Variants in ADK observed in about 807,000 individuals in gnomAD.
ADK encodes the protein N6,N6-dimethyladenosine kinase.
Under a neutral mutation model 44.7 loss-of-function variants are expected in ADK, and 24 were observed. The ratio of observed to expected loss-of-function variants is 0.54; its 90% CI spans 0.39 to 0.76. The LOEUF is 0.76. ADK is among the 30% of genes least tolerant of loss of function. The pLI, the probability that ADK is intolerant of heterozygous loss-of-function variation, is 0.00. For synonymous variants in ADK, 128 were observed against 142.6 expected (o/e 0.90, Z 0.73); for missense variants, 321 against 425.1 (o/e 0.76, Z 2.15).
At chr10:74,199,384 A>G (rs1339966932) in intron 1 of ADK, among the ~76,000 whole-genome samples, 1 of 152,178 alleles carries the variant, frequency 6.6e-6, no homozygotes, top group African/African-American at 2.4e-5. Flanking sequence ...TTGTCCCGAC[A>G]TCTTTGTGTC....
intron 6 of ADK, among the ~76,000 whole-genome samples, chr10:74,444,122 C>T (rs1405869366): frequency 6.6e-6 from 1 of 152,154 alleles, no homozygotes; most frequent in African/African-American, 2.4e-5. Flanking sequence ...TATGGTGCTT[C>T]ATCAGTCAGA....
intron 5 of ADK, among the ~76,000 whole-genome samples, chr10:74,396,161 A>G (rs1843500547): frequency 1.3e-5 from 2 of 152,228 alleles, no homozygotes; most frequent in South Asian, 4.1e-4. Context: ...TATCTAAATC[A>G]TTATCTAAAT....
intron 6 of ADK, among the ~76,000 whole-genome samples, chr10:74,451,875 AT>A (rs1201213286): frequency 6.6e-6 from 1 of 152,122 alleles, no homozygotes; most frequent in Non-Finnish European, 1.5e-5. Context: ...TGTAAAAATA[AT>A]GATTACATTA....
At chr10:74,220,632 G>A (rs1270377048) in intron 2 of ADK, among the ~76,000 whole-genome samples, 1 of 152,154 alleles carries the variant, frequency 6.6e-6, no homozygotes, top group Non-Finnish European at 1.5e-5. Flanking sequence ...TAAAATACTG[G>A]CAAACCGAAT....
chr10:74,282,784 A>G (rs903982636), intron 3 of ADK, among the ~76,000 whole-genome samples: 1 of 152,214 alleles, frequency 6.6e-6, no homozygotes, highest in Non-Finnish European at 1.5e-5. Flanking sequence ...GATATCTTCT[A>G]GTATAAGATT....
At chr10:74,313,966 T>G (rs934159577) in intron 3 of ADK, among the ~76,000 whole-genome samples, 6 of 152,080 alleles carry the variant, frequency 3.9e-5, no homozygotes, top group African/African-American at 1.4e-4. Context: ...TTTCAAAAAT[T>G]TTTCAATAAT....
intron 10 of ADK, among the ~76,000 whole-genome samples, chr10:74,685,972 T>G (rs533045110): frequency 3.3e-5 from 5 of 151,640 alleles, no homozygotes; most frequent in African/African-American, 7.3e-5. Context: ...TTTGTTTTGG[T>G]TTTTTTTGAG....
In ADK at chr10:74,593,591, C is replaced by G. The variant is rs77180814; in HGVS notation, c.762+4274C>G. ...ATGTACTCCAGGAACTGACAGAAGG[C>G]CAGTGTGACTGGAATGGAGTTAGTG... On this transcript the variant is annotated intron_variant, in intron 8 of 10. Transcript: ENST00000539909. Among the ~76,000 whole-genome samples the G allele has an allele frequency of 9.4e-3, 1,424 of 152,098 alleles. 22 individuals carry two copies. The highest frequency in any genetic ancestry group is 0.033 in the African/African-American group (1,350 of 41,472).
chr10:74,424,424 C>T (rs1844707728), intron 6 of ADK, among the ~76,000 whole-genome samples: 1 of 151,074 alleles, frequency 6.6e-6, no homozygotes, highest in Non-Finnish European at 1.5e-5. Context: ...ATCCCAGCTA[C>T]TCAGGAGGCT....
At chr10:74,597,145 A>C (rs1489129991) in intron 8 of ADK, among the ~76,000 whole-genome samples, 1 of 152,222 alleles carries the variant, frequency 6.6e-6, no homozygotes, top group Non-Finnish European at 1.5e-5. Context: ...TTAAAATGAG[A>C]GTAATTAGAG....
At chr10:74,584,478 C>T (rs909253465) in intron 7 of ADK, among the ~76,000 whole-genome samples, 1 of 152,036 alleles carries the variant, frequency 6.6e-6, no homozygotes, top group East Asian at 1.9e-4. Flanking sequence ...ATAATTGCTT[C>T]CTACCAGTAC....
intron 6 of ADK, among the ~76,000 whole-genome samples, chr10:74,447,447 A>C (rs1028247922): frequency 2.6e-5 from 4 of 152,178 alleles, no homozygotes; most frequent in African/African-American, 7.2e-5. Flanking sequence ...TTTCCTTTAC[A>C]AAAGGGAAAT....
chr10:74,228,299 A>T (rs1844624484), intron 3 of ADK, among the ~76,000 whole-genome samples: 1 of 152,148 alleles, frequency 6.6e-6, no homozygotes, highest in Admixed American at 6.5e-5. Context: ...CATACTGAAG[A>T]CCTTGGGGGA....
chr10:74,659,868 G>A (rs1854633849), intron 9 of ADK, among the ~76,000 whole-genome samples: 1 of 151,850 alleles, frequency 6.6e-6, no homozygotes, highest in Admixed American at 6.6e-5. Context: ...ATTAAGGGTG[G>A]GTCTGCCTTC....
intron 2 of ADK, among the ~76,000 whole-genome samples, chr10:74,213,038 A>G (rs749332129): frequency 1.3e-5 from 2 of 152,292 alleles, no homozygotes; most frequent in East Asian, 1.9e-4. Context: ...TGAGATGACT[A>G]TGATATCCAG....
chr10:74,618,296 T>G (rs1852852707), intron 9 of ADK, among the ~76,000 whole-genome samples: 1 of 152,182 alleles, frequency 6.6e-6, no homozygotes, highest in Admixed American at 6.5e-5. Flanking sequence ...TTTTTTCTTT[T>G]TCTTCTCATT....
At chr10:74,347,461 G>T (rs755981488) in intron 4 of ADK, among the ~76,000 whole-genome samples, 4 of 152,066 alleles carry the variant, frequency 2.6e-5, no homozygotes, top group African/African-American at 4.8e-5. Flanking sequence ...CACCACCAGG[G>T]CCTTGGGTTT....
At chr10:74,324,239 A>T (rs894286424) in intron 4 of ADK, among the ~76,000 whole-genome samples, 1 of 152,042 alleles carries the variant, frequency 6.6e-6, no homozygotes, top group Non-Finnish European at 1.5e-5. Context: ...TTTGTTGCAC[A>T]GGCTGATGTT....
chr10:74,168,606 G>T (rs1842091113), intron 1 of ADK, among the ~76,000 whole-genome samples: 1 of 150,658 alleles, frequency 6.6e-6, no homozygotes, highest in Non-Finnish European at 1.5e-5. Flanking sequence ...ACGTTGAAAT[G>T]ATAAAAATAA....
Sources: allele counts gnomAD v4.1 joint callset (sites outside exome capture counted in the v4.1 genomes callset), GRCh38; gene constraint gnomAD v4.1.1; transcripts MANE v1.5; gene names NCBI Gene and HGNC (gene_info 2026-07-23, HGNC 2026-07-21).